Variants in KLHL8 observed in about 807,000 individuals in gnomAD.
KLHL8 encodes the protein kelch-like protein 8.
KLHL8 carries 38 observed loss-of-function variants against 63.5 expected under a neutral mutation model. The observed-to-expected ratio is 0.60, with a 90% confidence interval of 0.46 to 0.78. The LOEUF (loss-of-function observed/expected upper bound fraction) is 0.78, where lower values mean the gene tolerates loss of function less well. KLHL8 is among the 30% of genes least tolerant of loss of function. The pLI, the probability that KLHL8 is intolerant of heterozygous loss-of-function variation, is 0.00. For missense variants in KLHL8, 566 were observed against 752.4 expected (o/e 0.75, Z 2.90); for synonymous variants, 224 against 254.3 (o/e 0.88, Z 1.13).
At chr4:87,168,771 T>C (rs757747137) in intron 8 of KLHL8, among the ~76,000 whole-genome samples, 16 of 136,160 alleles carry the variant, frequency 1.2e-4, no homozygotes, top group Admixed American at 3.2e-4. Flanking sequence ...TGTATATATA[T>C]GTGTATATAT....
At chr4:87,177,421 CT>C (rs1268585296) in intron 5 of KLHL8, among the ~76,000 whole-genome samples, 1 of 151,930 alleles carries the variant, frequency 6.6e-6, no homozygotes, top group Non-Finnish European at 1.5e-5. Flanking sequence ...GCAGAATTGC[CT>C]GAACCTGGGA....
chr4:87,217,736 G>A (rs1271638918), intron 1 of KLHL8, among the ~76,000 whole-genome samples: 1 of 148,504 alleles, frequency 6.7e-6, no homozygotes, highest in Non-Finnish European at 1.5e-5. Context: ...CAATCCTCCT[G>A]CCTTGACCTC....
intron 1 of KLHL8, among the ~76,000 whole-genome samples, chr4:87,235,900 G>C (rs1385617695): frequency 2.6e-5 from 4 of 152,028 alleles, no homozygotes; most frequent in African/African-American, 9.7e-5. Flanking sequence ...GGTCGGTGGG[G>C]AGGAGGGTGC....
chr4:87,164,873 G>C (rs916499003), intron 8 of KLHL8, among the ~76,000 whole-genome samples: 1 of 152,118 alleles, frequency 6.6e-6, no homozygotes. Context: ...CAGAGGCCGG[G>C]CGCGGTGGCT....
At chr4:87,225,160 G>C (rs1732950950), upstream of KLHL8, among the ~76,000 whole-genome samples, 7 of 152,084 alleles carry the variant, frequency 4.6e-5, no homozygotes, top group Admixed American at 4.6e-4. Context: ...CTACCCCTTT[G>C]CCTGGTGAAC....
chr4:87,167,461 A>G, intron 8 of KLHL8: 1 of 505,830 alleles, frequency 2.0e-6, no homozygotes, highest in Non-Finnish European at 4.0e-6. Flanking sequence ...CTGCCCCATC[A>G]AGCCAATTTT....
chr4:87,239,626 T>C (rs1733293344), intron 1 of KLHL8, among the ~76,000 whole-genome samples: 1 of 152,054 alleles, frequency 6.6e-6, no homozygotes, highest in South Asian at 2.1e-4. Context: ...TCACCCTCCT[T>C]CAAATAATCC....
intron 4 of KLHL8, among the ~76,000 whole-genome samples, chr4:87,180,533 T>C (rs1404293756): frequency 6.6e-6 from 1 of 152,234 alleles, no homozygotes; most frequent in East Asian, 1.9e-4. Context: ...CTTTACTGCA[T>C]TTATTCAAAT....
chr4:87,223,051 G>A (rs984295074), upstream of KLHL8, among the ~76,000 whole-genome samples: 12 of 152,020 alleles, frequency 7.9e-5, no homozygotes, highest in South Asian at 4.2e-4. Context: ...TGATTTCCCC[G>A]GCTCAGGTGA....
At chr4:87,236,033 T>C (rs1214650127) in intron 1 of KLHL8, among the ~76,000 whole-genome samples, 1 of 151,994 alleles carries the variant, frequency 6.6e-6, no homozygotes, top group Non-Finnish European at 1.5e-5. Context: ...TTGGTAGAAA[T>C]AGAAACCAAA....
At chr4:87,214,524 T>TA (rs1371453053) in intron 1 of KLHL8, among the ~76,000 whole-genome samples, 2 of 147,124 alleles carry the variant, frequency 1.4e-5, no homozygotes, top group African/African-American at 2.5e-5. Context: ...CTCAAAGAGG[T>TA]AAAATTCCTA....
intron 4 of KLHL8, among the ~76,000 whole-genome samples, chr4:87,182,010 C>T (rs545549542): frequency 1.3e-5 from 2 of 152,018 alleles, no homozygotes; most frequent in African/African-American, 4.8e-5. Context: ...AGGCAGATCA[C>T]GAGGTCAGGA....
intron 1 of KLHL8, among the ~76,000 whole-genome samples, chr4:87,209,848 G>GTTTTTTTTTTTT (rs35717106): frequency 9.5e-6 from 1 of 105,382 alleles, no homozygotes; most frequent in Non-Finnish European, 1.9e-5. Context: ...TCCGTTTTGG[G>GTTTTTTTTTTTT]TTTTTTTTTT....
intron 5 of KLHL8, among the ~76,000 whole-genome samples, chr4:87,177,106 C>T (rs922199198): frequency 1.3e-5 from 2 of 151,924 alleles, no homozygotes; most frequent in African/African-American, 4.9e-5. Context: ...CTAATATTAT[C>T]GCCCCCCCTT....
chr4:87,216,038 A>C (rs958654484), intron 1 of KLHL8, among the ~76,000 whole-genome samples: 1 of 152,252 alleles, frequency 6.6e-6, no homozygotes, highest in Non-Finnish European at 1.5e-5. Context: ...GAACATCCAA[A>C]TTTAGAATAA....
Position 87,217,207 on chromosome 4 carries a change from CTT to C in KLHL8, c.-152+3209_-152+3210del, listed in dbSNP as rs1326176890. ...ATTTATTTAAAATGCTCAACTCCCT[CTT>C]GTTTCTTTGGCTAATATAAACCATT... On this transcript the variant is annotated intron_variant, in intron 1 of 9. Coordinates refer to ENST00000273963, the MANE Select transcript of KLHL8 (RefSeq NM_020803.5). Among the ~76,000 whole-genome samples, 6 of 151,246 alleles carry C rather than the reference CTT, an allele frequency of 4.0e-5. No individual in the cohort carries two copies. The East Asian group carries it at 7.8e-4, about 20-fold the overall frequency.
At chr4:87,187,979 A>C (rs1415452810) in intron 2 of KLHL8, among the ~76,000 whole-genome samples, 1 of 152,180 alleles carries the variant, frequency 6.6e-6, no homozygotes, top group Non-Finnish European at 1.5e-5. Context: ...TGCTTATAAA[A>C]GCCCCTTCCT....
At chr4:87,225,883 AT>A (rs749350225) in intron 1 of KLHL8, among the ~76,000 whole-genome samples, 16 of 152,050 alleles carry the variant, frequency 1.1e-4, no homozygotes, top group Non-Finnish European at 2.1e-4. Context: ...TTAGCATTTT[AT>A]TTTTATTACT....
intron 1 of KLHL8, among the ~76,000 whole-genome samples, chr4:87,196,815 A>C (rs1284479928): frequency 6.6e-6 from 1 of 152,142 alleles, no homozygotes; most frequent in Non-Finnish European, 1.5e-5. Context: ...GTAATTTGTA[A>C]AACTGAGGCT....
Sources: gnomAD v4.1 joint callset for allele counts (sites outside exome capture counted in the v4.1 genomes callset) on GRCh38, gnomAD v4.1.1 for gene constraint, MANE v1.5 for transcripts, NCBI Gene and HGNC (gene_info 2026-07-23, HGNC 2026-07-21) for gene names.